The following DPYD variants were observed in gnomAD, a reference collection of about 807,000 sequenced individuals.
DPYD encodes dihydropyrimidine dehydrogenase [NADP(+)].
DPYD carries 109 observed loss-of-function variants against 116.2 expected under a neutral mutation model. The observed-to-expected ratio is 0.94, with a 90% CI of 0.80 to 1.10. The LOEUF (loss-of-function observed/expected upper bound fraction) is 1.10, where lower values mean the gene tolerates loss of function less well. Among genes scored for constraint, DPYD ranks in the 50% least tolerant of loss-of-function variants. DPYD has a pLI of 0.00. For missense variants in DPYD, 1,302 were observed against 1,254.5 expected (o/e 1.04, Z -0.57); for synonymous variants, 440 against 432.0 (o/e 1.02, Z -0.23).
chr1:97,491,621 T>C (rs1557749700), intron 13 of DPYD, among the ~76,000 whole-genome samples: 1 of 152,062 alleles, frequency 6.6e-6, no homozygotes, highest in Non-Finnish European at 1.5e-5. Flanking sequence ...AACAGCTGAA[T>C]GATGCTGAAT....
intron 20 of DPYD, among the ~76,000 whole-genome samples, chr1:97,130,802 C>T (rs868319859): frequency 3.3e-5 from 1 of 30,544 alleles, no homozygotes; most frequent in South Asian, 7.4e-4. Flanking sequence ...TCCCTCTCTC[C>T]CTCTTTCTTT....
In DPYD at chr1:97,699,360, C is replaced by T. The variant is rs1227066800; in HGVS notation, c.671G>A (p.Gly224Asp). Residue 224 changes from glycine (G) to aspartate (D), a missense_variant, in exon 6 of 23, where the codon GGT becomes GAT. Transcript: ENST00000370192. ...TAAATGTAGGCATTACCTTAAACCA[C>T]CAACATATTCTTGTTTTTCAAATAT... ...ITIFEKQEYV[G>D]GLSTSEIPQF... 4 of 1,613,466 alleles carry T rather than the reference C, an allele frequency of 2.5e-6. No individual in the cohort carries two copies. Among genetic ancestry groups the T allele is most frequent in the South Asian group, 2.2e-5 (2 of 91,062 alleles).
At chr1:97,921,045 G>C (rs957111319), upstream of DPYD, 6 of 1,274,292 alleles carry the variant, frequency 4.7e-6, no homozygotes, top group Non-Finnish European at 6.5e-6. Flanking sequence ...AGGGCCGGCG[G>C]CGCGGGGGCG....
At chr1:97,275,915 G>A (rs981408678) in intron 18 of DPYD, among the ~76,000 whole-genome samples, 4 of 152,080 alleles carry the variant, frequency 2.6e-5, no homozygotes, top group African/African-American at 9.6e-5. Context: ...TTCTTTTGCT[G>A]GATCTTCTTA....
At chr1:97,174,226 C>G (rs923672909) in intron 20 of DPYD, among the ~76,000 whole-genome samples, 21 of 152,102 alleles carry the variant, frequency 1.4e-4, no homozygotes, top group African/African-American at 4.6e-4. Flanking sequence ...AAGCTTTGGC[C>G]TCAGGCAAGG....
chr1:97,862,906 T>C (rs1308861924), intron 2 of DPYD, among the ~76,000 whole-genome samples: 1 of 151,886 alleles, frequency 6.6e-6, no homozygotes, highest in Non-Finnish European at 1.5e-5. Context: ...AACATGCCCA[T>C]TTGGACAAAA....
At chr1:97,823,747 T>C (rs1453932126) in intron 3 of DPYD, among the ~76,000 whole-genome samples, 1 of 151,708 alleles carries the variant, frequency 6.6e-6, no homozygotes, top group Admixed American at 6.6e-5. Context: ...TTCCCCCATC[T>C]CAATCTCAAA....
At position 97,337,775 on chromosome 1, in the gene DPYD, T is replaced by C. The variant is rs564883171; in HGVS notation, c.2059-31478A>G. The stretch of plus-strand genomic sequence containing the variant: ...CAGAGACACTTTAAGTCTGGCAGAA[T>C]GGCATGGGATTGCTTAACAGTTGAG... On this transcript the variant is annotated intron_variant, in intron 16 of 22. Coordinates refer to ENST00000370192, the MANE Select transcript of DPYD (RefSeq NM_000110.4). Among the ~76,000 whole-genome samples, 272 of 152,168 alleles carry C rather than the reference T, an allele frequency of 1.8e-3. 2 individuals carry two copies. Among genetic ancestry groups the C allele is most frequent in the Admixed American group, 0.015 (232 of 15,266 alleles).
intron 8 of DPYD, among the ~76,000 whole-genome samples, chr1:97,649,820 TG>T (rs940322843): frequency 7.9e-5 from 12 of 152,142 alleles, no homozygotes; most frequent in Admixed American, 1.3e-4. Flanking sequence ...AAACAGAAAC[TG>T]GGACACAGGC....
intron 1 of DPYD, among the ~76,000 whole-genome samples, chr1:97,895,854 G>A (rs904413889): frequency 5.9e-5 from 9 of 151,676 alleles, no homozygotes; most frequent in Non-Finnish European, 1.0e-4. Flanking sequence ...CATTTAAACA[G>A]TAGTATTAGC....
rs183916140 is a variant in DPYD at position 97,268,889 on chromosome 1, A to G, written c.2300-33895T>C. On this transcript the variant is annotated intron_variant, in intron 18 of 22. Coordinates refer to ENST00000370192, the MANE Select transcript of DPYD (RefSeq NM_000110.4). ...CAAACAGTCGCTTAGCCACACACTT[A>G]GTATTCCCTCCTGAACACATTCTTT... Among the ~76,000 whole-genome samples the G allele has an allele frequency of 3.9e-5, 6 of 152,308 alleles. No individual in the cohort carries two copies. In the East Asian group the frequency reaches 1.2e-3, roughly 29 times the overall value.
At chr1:97,911,388 C>A (rs1673927283) in intron 1 of DPYD, among the ~76,000 whole-genome samples, 1 of 152,090 alleles carries the variant, frequency 6.6e-6, no homozygotes, top group Non-Finnish European at 1.5e-5. Context: ...AAAGACAGAG[C>A]CTTAAGCATA....
intron 8 of DPYD, among the ~76,000 whole-genome samples, chr1:97,631,793 G>C (rs995255650): frequency 6.6e-6 from 1 of 151,988 alleles, no homozygotes; most frequent in African/African-American, 2.4e-5. Context: ...TTATGACACT[G>C]TGTGGGGATA....
intron 8 of DPYD, among the ~76,000 whole-genome samples, chr1:97,652,143 A>G (rs1377713344): frequency 1.3e-5 from 2 of 152,168 alleles, no homozygotes; most frequent in African/African-American, 4.8e-5. Flanking sequence ...TATAACCTAA[A>G]AAAAGGACAA....
At chr1:97,863,296 G>A (rs1188704632) in intron 2 of DPYD, among the ~76,000 whole-genome samples, 1 of 151,668 alleles carries the variant, frequency 6.6e-6, no homozygotes, top group Non-Finnish European at 1.5e-5. Context: ...ATAAAGTAAA[G>A]GTCTGAAAAA....
intron 8 of DPYD, among the ~76,000 whole-genome samples, chr1:97,614,216 G>A (rs189882740): frequency 1.1e-4 from 16 of 152,088 alleles, no homozygotes; most frequent in Admixed American, 5.2e-4. Context: ...AGGATAACCC[G>A]AGATTTTATT....
At chr1:97,761,777 A>T (rs561830073) in intron 3 of DPYD, among the ~76,000 whole-genome samples, 6 of 152,198 alleles carry the variant, frequency 3.9e-5, no homozygotes, top group African/African-American at 1.4e-4. Flanking sequence ...ACTACACTGG[A>T]TTTTTTAAAC....
intron 8 of DPYD, among the ~76,000 whole-genome samples, chr1:97,618,377 CTTTTTTTTTTT>C (rs71758165): frequency 7.3e-6 from 1 of 136,362 alleles, no homozygotes; most frequent in Non-Finnish European, 1.6e-5. Context: ...GATTTTTTTT[CTTTTTTTTTTT>C]TTTTCTAGAT....
intron 16 of DPYD, among the ~76,000 whole-genome samples, chr1:97,317,010 G>A (rs1184045254): frequency 1.3e-5 from 2 of 151,708 alleles, no homozygotes; most frequent in Non-Finnish European, 2.9e-5. Context: ...AAAACTCTTC[G>A]AGAGCCATAC....
Sources: gnomAD v4.1 joint callset for allele counts (sites outside exome capture counted in the v4.1 genomes callset) on GRCh38, gnomAD v4.1.1 for gene constraint, MANE v1.5 for transcripts, NCBI Gene and HGNC (gene_info 2026-07-23, HGNC 2026-07-21) for gene names.